Variants in AFF3 observed in about 807,000 individuals in gnomAD.
AFF3 encodes ALF transcription elongation factor 3.
In AFF3, 32 loss-of-function variants were observed where a neutral mutation model predicts 129.7. The observed-to-expected ratio is 0.25, with a 90% confidence interval of 0.19 to 0.33. The LOEUF (loss-of-function observed/expected upper bound fraction) is 0.33, where lower values mean the gene tolerates loss of function less well. Among genes scored for constraint, AFF3 ranks in the 10% least tolerant of loss-of-function variants. The probability of loss-of-function intolerance (pLI) is 1.00; values close to 1 mark genes in which losing one functional copy is unlikely to be tolerated. For synonymous variants in AFF3, 644 were observed against 635.4 expected (o/e 1.01, Z -0.20); for missense variants, 1,373 against 1,592.0 (o/e 0.86, Z 2.34).
intron 14 of AFF3, among the ~76,000 whole-genome samples, chr2:99,599,344 C>T (rs1321811019): frequency 2.6e-5 from 4 of 152,180 alleles, no homozygotes; most frequent in African/African-American, 7.2e-5. Context: ...CTGCAACCTC[C>T]GCCTCCAGGG....
At position 99,546,034 on chromosome 2, in the gene AFF3, A is replaced by G. The variant is rs1674064459; in HGVS notation, c.*5440T>C. 8.9e-6 allele frequency: 2 copies of G among 225,466 alleles called. No homozygotes were observed. Among genetic ancestry groups the G allele is most frequent in the Non-Finnish European group, 1.8e-5 (2 of 113,330 alleles). The allele number at this position is 225,466 out of a possible 1,614,324, so 14.0% of individuals were successfully genotyped here. Reference sequence around the variant, plus strand: ...ATTGAAAAACTGTGCTCTTCTGAGAATGGGAAAATGAGGACATAAACTCTG... The same window carrying G: ...ATTGAAAAACTGTGCTCTTCTGAGAGTGGGAAAATGAGGACATAAACTCTG... On this transcript the variant is annotated 3_prime_UTR_variant, in exon 25 of 25. Transcript: ENST00000672756.
intron 8 of AFF3, among the ~76,000 whole-genome samples, chr2:99,755,497 C>A (rs1438502420): frequency 6.6e-6 from 1 of 152,124 alleles, no homozygotes; most frequent in Non-Finnish European, 1.5e-5. Flanking sequence ...GAACTTCCGA[C>A]CTCAGGTGAT....
Position 99,587,320 on chromosome 2 carries a change from A to G in AFF3, c.2467-42T>C, listed in dbSNP as rs181115366. On this transcript the variant is annotated intron_variant, in intron 15 of 24. Coordinates refer to ENST00000672756, the MANE Select transcript of AFF3 (RefSeq NM_001386135.1). The stretch of plus-strand genomic sequence containing the variant: ...TAAAGTCAATCAGCACTGGATTTCA[A>G]GAGGTATTATGAGTTCCCAGGCACC... The G allele has an allele frequency of 8.1e-5, 130 of 1,611,738 alleles. No individual in the cohort carries two copies. In the African/African-American group the frequency reaches 1.7e-3, roughly 21 times the overall value.
At chr2:99,790,161 A>C (rs564547734) in intron 8 of AFF3, among the ~76,000 whole-genome samples, 1 of 152,364 alleles carries the variant, frequency 6.6e-6, no homozygotes, top group South Asian at 2.1e-4. Context: ...TTGTCCAAAA[A>C]TGTGTATACA....
rs765549728 is a variant in AFF3 at position 99,593,951 on chromosome 2, C to T, written c.1710G>A (p.Ala570=). The T allele has an allele frequency of 9.7e-6, 14 of 1,441,724 alleles. No individual in the cohort carries two copies. Among genetic ancestry groups the T allele is most frequent in the Non-Finnish European group, 5.5e-6 (6 of 1,098,638 alleles). The allele number at this position is 1,441,724 out of a possible 1,614,324, so 89.3% of individuals were successfully genotyped here. Residue 570 remains alanine (A), a synonymous_variant, in exon 15 of 25, where the codon GCG becomes GCA. Transcript: ENST00000672756. ...AAAPPPAVPC[A]PAENAPAPAR... ...CAGGCGCGGGCGCGTTCTCCGCGGG[C>T]GCACAGGGCACTGCGGGTGGCGGGG...
In AFF3 at chr2:99,565,103, C is replaced by T. The variant is rs576621760; in HGVS notation, c.3119+384G>A. ...CTGAATGTTCTTCCATTAAATACTC[C>T]AGAAGTATTTACTGATGGAGCTAAG... is the stretch of plus-strand genomic sequence containing the variant. On this transcript the variant is annotated intron_variant, in intron 20 of 24. Transcript: ENST00000672756. Among the ~76,000 whole-genome samples, 39 of 152,172 alleles carry T rather than the reference C, an allele frequency of 2.6e-4. No individual in the cohort carries two copies. The South Asian group carries it at 7.5e-3, about 29-fold the overall frequency.
chr2:100,113,530 T>C lies in AFF3; in HGVS notation c.-144-7947A>G, dbSNP rs13387139. Among the ~76,000 whole-genome samples the C allele has an allele frequency of 2.8e-3, 420 of 152,328 alleles. 2 individuals carry two copies. The highest frequency in any genetic ancestry group is 9.6e-3 in the African/African-American group (400 of 41,560). ...ATCTTTCCAGAAAGAACGACTGATT[T>C]GCATTCCAAGTCAAGAACTGAATTA... is the stretch of plus-strand genomic sequence containing the variant. On this transcript the variant is annotated intron_variant, in intron 2 of 24. Transcript: ENST00000672756.
intron 7 of AFF3, among the ~76,000 whole-genome samples, chr2:99,850,601 G>C (rs1264516499): frequency 6.6e-6 from 1 of 152,172 alleles, no homozygotes; most frequent in Non-Finnish European, 1.5e-5. Context: ...TCAATCAGAA[G>C]TTAAATGATT....
intron 7 of AFF3, among the ~76,000 whole-genome samples, chr2:99,860,543 G>A (rs1207433370): frequency 8.2e-6 from 1 of 122,004 alleles, no homozygotes; most frequent in Non-Finnish European, 1.8e-5. Flanking sequence ...GACAGAGTGA[G>A]ACTCTGTCTC....
chr2:99,842,668 T>A (rs1689401935), intron 7 of AFF3, among the ~76,000 whole-genome samples: 1 of 152,192 alleles, frequency 6.6e-6, no homozygotes, highest in African/African-American at 2.4e-5. Flanking sequence ...TTTCCCTAAA[T>A]CCTACCATTT....
intron 11 of AFF3, among the ~76,000 whole-genome samples, chr2:99,713,314 G>A (rs947857072): frequency 1.4e-5 from 2 of 147,678 alleles, no homozygotes; most frequent in South Asian, 2.1e-4. Flanking sequence ...CTGTCGCTAG[G>A]CTGCAGTGCA....
At chr2:100,050,491 G>A (rs897159979) in intron 4 of AFF3, among the ~76,000 whole-genome samples, 3 of 151,968 alleles carry the variant, frequency 2.0e-5, no homozygotes, top group African/African-American at 7.2e-5. Flanking sequence ...ATGCCACAGA[G>A]CAGCCAAGAT....
intron 11 of AFF3, among the ~76,000 whole-genome samples, chr2:99,706,690 C>T (rs1677427398): frequency 6.6e-6 from 1 of 152,088 alleles, no homozygotes; most frequent in Non-Finnish European, 1.5e-5. Flanking sequence ...CAGGCAGACC[C>T]ATAATTAATT....
At position 100,105,910 on chromosome 2, in the gene AFF3, G is replaced by T; in HGVS notation, c.-144-327C>A. The T allele has an allele frequency of 3.8e-6, 5 of 1,330,480 alleles. No homozygotes were observed. The South Asian group carries it at 6.2e-5, about 16-fold the overall frequency. The allele number at this position is 1,330,480 out of a possible 1,614,324, so 82.4% of individuals were successfully genotyped here. On this transcript the variant is annotated intron_variant, in intron 2 of 24. Transcript: ENST00000672756. ...CCCCGCCAAAAGGGAGTCCCTTCCA[G>T]CACTCTCCCCTTTGTTCCTTTTTCT...
chr2:100,087,376 G>A (rs1689528377), intron 4 of AFF3, among the ~76,000 whole-genome samples: 1 of 151,886 alleles, frequency 6.6e-6, no homozygotes, highest in Admixed American at 6.6e-5. Flanking sequence ...ACTCATTAGA[G>A]GACTAAGCTA....
At chr2:99,610,067 T>C (rs888864480) in intron 13 of AFF3, among the ~76,000 whole-genome samples, 2 of 152,336 alleles carry the variant, frequency 1.3e-5, no homozygotes, top group East Asian at 1.9e-4. Flanking sequence ...ATGCACCTTG[T>C]GACCCCTCCT....
chr2:99,785,236 A>G (rs754666456), intron 8 of AFF3, among the ~76,000 whole-genome samples: 2 of 152,222 alleles, frequency 1.3e-5, no homozygotes, highest in African/African-American at 2.4e-5. Context: ...GTGGACCTCT[A>G]TAACAGAAAG....
intron 8 of AFF3, among the ~76,000 whole-genome samples, chr2:99,820,094 G>A (rs550111320): frequency 3.9e-5 from 6 of 152,166 alleles, no homozygotes; most frequent in Non-Finnish European, 8.8e-5. Context: ...ACTATCAAAG[G>A]CACAGTCATG....
chr2:99,934,905 A>G (rs1052256925), intron 7 of AFF3, among the ~76,000 whole-genome samples: 2 of 152,246 alleles, frequency 1.3e-5, no homozygotes, highest in Admixed American at 6.5e-5. Context: ...GCTGCTAAGC[A>G]TCACCTGAGA....
Sources: gnomAD v4.1 joint callset for allele counts (sites outside exome capture counted in the v4.1 genomes callset) on GRCh38, gnomAD v4.1.1 for gene constraint, MANE v1.5 for transcripts, NCBI Gene and HGNC (gene_info 2026-07-23, HGNC 2026-07-21) for gene names.